The following ERC2 variants were observed in gnomAD, a reference collection of about 807,000 sequenced individuals.
ERC2 encodes ERC protein 2.
A neutral mutation model predicts 114.8 loss-of-function variants in ERC2; 42 were observed. The observed-to-expected ratio is 0.37, with a 90% CI of 0.29 to 0.47. ERC2 has a LOEUF of 0.47. Ranked by LOEUF, ERC2 falls within the 20% of genes least tolerant of loss-of-function variation. The pLI is 0.99. For missense variants in ERC2, 939 were observed against 1,150.7 expected (o/e 0.82, Z 2.66); for synonymous variants, 454 against 425.5 (o/e 1.07, Z -0.82).
At chr3:56,461,415 G>A (rs1027927972) in intron 1 of ERC2, among the ~76,000 whole-genome samples, 4 of 152,160 alleles carry the variant, frequency 2.6e-5, no homozygotes, top group Non-Finnish European at 5.9e-5. Context: ...GAAAGGCCCA[G>A]GCAGATGAAG....
At chr3:55,660,906 A>T (rs2061102269) in intron 17 of ERC2, among the ~76,000 whole-genome samples, 1 of 152,236 alleles carries the variant, frequency 6.6e-6, no homozygotes, top group Admixed American at 6.5e-5. Context: ...AGAACAAGGT[A>T]AGAAATGCAC....
chr3:56,403,979 T>C (rs745980419), intron 2 of ERC2, among the ~76,000 whole-genome samples: 9 of 152,188 alleles, frequency 5.9e-5, no homozygotes, highest in Non-Finnish European at 1.0e-4. Flanking sequence ...ATTTGATAAT[T>C]TCCCATCGGC....
Position 56,368,185 on chromosome 3 carries a change from TA to T in ERC2, c.657+66165del, listed in dbSNP as rs71294729. 2.0e-3 allele frequency among the ~76,000 whole-genome samples: 275 copies of T among 137,736 alleles called. 2 individuals are homozygous for T. The highest frequency in any genetic ancestry group is 4.8e-3 in the African/African-American group (168 of 34,926). 90.4% of individuals were successfully genotyped at this position (137,736 alleles called of 152,430 possible). ...AAAGTTGAAATTATTCTTTTTTTTT[TA>T]AAAAAAAAAAAAAAGCAAATGTAGA... On this transcript the variant is annotated intron_variant, in intron 2 of 17. Transcript: ENST00000288221.
chr3:56,195,028 C>T (rs2048011818), intron 3 of ERC2, among the ~76,000 whole-genome samples: 1 of 152,110 alleles, frequency 6.6e-6, no homozygotes, highest in Non-Finnish European at 1.5e-5. Flanking sequence ...TATGATGAAG[C>T]TGAATTTACA....
chr3:56,101,865 G>A (rs1308932027), intron 6 of ERC2, among the ~76,000 whole-genome samples: 1 of 152,162 alleles, frequency 6.6e-6, no homozygotes, highest in Non-Finnish European at 1.5e-5. Flanking sequence ...CAGACCTGCT[G>A]AGCAGATGAA....
intron 3 of ERC2, among the ~76,000 whole-genome samples, chr3:56,220,748 C>T (rs2049847075): frequency 6.6e-6 from 1 of 152,168 alleles, no homozygotes; most frequent in South Asian, 2.1e-4. Context: ...ATTGGCAAAG[C>T]CAAGGTCACG....
At chr3:55,731,242 G>T (rs2065236695) in intron 15 of ERC2, among the ~76,000 whole-genome samples, 1 of 152,188 alleles carries the variant, frequency 6.6e-6, no homozygotes, top group African/African-American at 2.4e-5. Flanking sequence ...TGCTCTTTCT[G>T]CCACAGTTGC....
intron 14 of ERC2, among the ~76,000 whole-genome samples, chr3:55,867,717 C>A (rs1659160866): frequency 6.6e-6 from 1 of 151,988 alleles, no homozygotes; most frequent in Non-Finnish European, 1.5e-5. Context: ...TGCATAATTT[C>A]TATTTTTTTA....
intron 2 of ERC2, among the ~76,000 whole-genome samples, chr3:56,404,241 C>T (rs185374447): frequency 4.6e-5 from 7 of 152,230 alleles, no homozygotes; most frequent in African/African-American, 1.7e-4. Flanking sequence ...TATTTTTATT[C>T]TTCTAAATTA....
intron 17 of ERC2, among the ~76,000 whole-genome samples, chr3:55,607,315 T>C (rs1041094014): frequency 6.6e-6 from 1 of 152,074 alleles, no homozygotes; most frequent in Non-Finnish European, 1.5e-5. Flanking sequence ...GAAGGCTTCC[T>C]GGGAAGAAGT....
intron 17 of ERC2, among the ~76,000 whole-genome samples, chr3:55,650,869 G>C (rs1464578988): frequency 6.7e-6 from 1 of 150,074 alleles, no homozygotes; most frequent in Non-Finnish European, 1.5e-5. Flanking sequence ...TTTTTAGATG[G>C]AGTCTCTGGC....
chr3:56,333,464 G>A (rs2150465237), intron 2 of ERC2, among the ~76,000 whole-genome samples: 1 of 152,286 alleles, frequency 6.6e-6, no homozygotes, highest in Non-Finnish European at 1.5e-5. Context: ...ATATTTCTTG[G>A]TCAGGGAAAA....
At chr3:56,362,882 C>A (rs1437483707) in intron 2 of ERC2, among the ~76,000 whole-genome samples, 4 of 152,202 alleles carry the variant, frequency 2.6e-5, no homozygotes, top group South Asian at 2.1e-4. Flanking sequence ...TGAGCCTGAG[C>A]TTTCTAGACT....
At chr3:56,197,823 T>C (rs940103527) in intron 3 of ERC2, among the ~76,000 whole-genome samples, 1 of 152,236 alleles carries the variant, frequency 6.6e-6, no homozygotes, top group Admixed American at 6.5e-5. Flanking sequence ...AAGGATAAAC[T>C]AGATACTTCC....
rs898313817 is a variant in ERC2 at position 55,660,187 on chromosome 3, C to T, written c.*39+23607G>A. 3.3e-5 allele frequency among the ~76,000 whole-genome samples: 5 copies of T among 152,212 alleles called. No homozygotes were observed. The East Asian group carries it at 9.6e-4, about 29-fold the overall frequency. On this transcript the variant is annotated intron_variant, in intron 17 of 17. Coordinates refer to ENST00000288221, the MANE Select transcript of ERC2 (RefSeq NM_015576.3). ...TTGGCTGAATTTGAGGTCACAATTT[C>T]TGTACATGCAACTGAGAGCAAATTG...
intron 13 of ERC2, among the ~76,000 whole-genome samples, chr3:55,920,727 C>T (rs1285456944): frequency 2.0e-5 from 3 of 152,002 alleles, no homozygotes; most frequent in Non-Finnish European, 4.4e-5. Context: ...AATAATAGAG[C>T]ACGTGATTCT....
At chr3:55,899,085 A>T (rs2063986173) in intron 13 of ERC2, among the ~76,000 whole-genome samples, 1 of 152,208 alleles carries the variant, frequency 6.6e-6, no homozygotes, top group South Asian at 2.1e-4. Context: ...TCACAGGTCT[A>T]TTGGCTACTG....
intron 2 of ERC2, among the ~76,000 whole-genome samples, chr3:56,376,581 G>A (rs112365980): frequency 4.6e-5 from 7 of 152,078 alleles, no homozygotes; most frequent in African/African-American, 1.7e-4. Flanking sequence ...TGACCAACAT[G>A]GTGAAACCCT....
intron 2 of ERC2, among the ~76,000 whole-genome samples, chr3:56,377,628 C>T (rs529022960): frequency 2.2e-4 from 34 of 152,080 alleles, no homozygotes; most frequent in African/African-American, 7.2e-4. Flanking sequence ...CATTAGGCCC[C>T]CCAAAAAAGA....
Sources: gnomAD v4.1 joint callset for allele counts (sites outside exome capture counted in the v4.1 genomes callset) on GRCh38, gnomAD v4.1.1 for gene constraint, MANE v1.5 for transcripts, NCBI Gene and HGNC (gene_info 2026-07-23, HGNC 2026-07-21) for gene names.